The following NXPH1 variants were observed in gnomAD, a reference collection of about 807,000 sequenced individuals.
NXPH1 encodes neurexophilin-1.
Under a neutral mutation model 23.7 loss-of-function variants are expected in NXPH1, and 5 were observed. The observed-to-expected ratio is 0.21, with a 90% CI of 0.11 to 0.44. The LOEUF is 0.44. NXPH1 is among the 20% of genes least tolerant of loss of function. The pLI is 0.99. For missense variants in NXPH1, 324 were observed against 321.6 expected, an observed-to-expected ratio of 1.01 and a Z score of -0.06; for synonymous variants, 144 against 122.2, an observed-to-expected ratio of 1.18 and a Z score of -1.18.
chr7:8,460,197 T>C (rs372847553), intron 2 of NXPH1, among the ~76,000 whole-genome samples: 18 of 152,274 alleles, frequency 1.2e-4, no homozygotes, highest in South Asian at 4.1e-4. Flanking sequence ...TTATATAAAA[T>C]TTGTGCTTGC....
At chr7:8,667,288 G>A (rs1228664750) in intron 2 of NXPH1, among the ~76,000 whole-genome samples, 1 of 151,940 alleles carries the variant, frequency 6.6e-6, no homozygotes, top group Non-Finnish European at 1.5e-5. Flanking sequence ...ATGATTGTGT[G>A]TTATACATTA....
intron 2 of NXPH1, among the ~76,000 whole-genome samples, chr7:8,509,778 G>T (rs535688633): frequency 1.1e-4 from 17 of 152,092 alleles, no homozygotes; most frequent in Non-Finnish European, 1.5e-4. Flanking sequence ...GTTAACACAT[G>T]TTCCAACAAA....
intron 2 of NXPH1, among the ~76,000 whole-genome samples, chr7:8,633,924 G>A (rs1157225720): frequency 6.6e-6 from 1 of 152,064 alleles, no homozygotes; most frequent in East Asian, 1.9e-4. Flanking sequence ...TATATGCTGG[G>A]CCAGTTTCCT....
At chr7:8,483,794 T>C (rs1817113047) in intron 2 of NXPH1, among the ~76,000 whole-genome samples, 1 of 152,168 alleles carries the variant, frequency 6.6e-6, no homozygotes. Context: ...AGACCAGATG[T>C]TCTCCAAGGT....
intron 2 of NXPH1, among the ~76,000 whole-genome samples, chr7:8,635,152 T>C (rs889262939): frequency 6.6e-6 from 1 of 152,160 alleles, no homozygotes; most frequent in Non-Finnish European, 1.5e-5. Context: ...GAATAAGATT[T>C]GCAAGTGGAA....
At chr7:8,526,988 G>A (rs1388052672) in intron 2 of NXPH1, among the ~76,000 whole-genome samples, 1 of 151,992 alleles carries the variant, frequency 6.6e-6, no homozygotes, top group Non-Finnish European at 1.5e-5. Context: ...GGACCACTCT[G>A]ATGATAATAT....
intron 2 of NXPH1, among the ~76,000 whole-genome samples, chr7:8,680,614 T>G (rs569340620): frequency 6.6e-6 from 1 of 152,344 alleles, no homozygotes; most frequent in Non-Finnish European, 1.5e-5. Context: ...AGGAAGATGG[T>G]GCACATTTCA....
rs373650555 is a variant in NXPH1, at chr7:8,701,847, A to G, written c.55-49161A>G. ...TCTAAAAATAATAACAATCAAGTCT[A>G]TTATTCTATATGGTCTGGAATGAAC... On this transcript the variant is annotated intron_variant, in intron 2 of 2. Transcript: ENST00000405863. 9.9e-5 allele frequency among the ~76,000 whole-genome samples: 15 copies of G among 152,188 alleles called. No individual in the cohort carries two copies. In the East Asian group the frequency reaches 2.5e-3, roughly 25 times the overall value.
chr7:8,536,799 T>C (rs564020692), intron 2 of NXPH1, among the ~76,000 whole-genome samples: 229 of 151,938 alleles, frequency 1.5e-3, no homozygotes, highest in African/African-American at 5.3e-3. Context: ...CATATTTAGG[T>C]TGTGTCTTGG....
chr7:8,693,456 T>A (rs972657232), intron 2 of NXPH1, among the ~76,000 whole-genome samples: 1 of 152,210 alleles, frequency 6.6e-6, no homozygotes, highest in Non-Finnish European at 1.5e-5. Flanking sequence ...AGAAAACATT[T>A]AATGAGATGG....
intron 2 of NXPH1, among the ~76,000 whole-genome samples, chr7:8,710,197 G>A (rs192391206): frequency 2.6e-5 from 4 of 152,290 alleles, no homozygotes; most frequent in Admixed American, 6.5e-5. Flanking sequence ...AGAAGAGGAG[G>A]GGTCCTGCAA....
intron 2 of NXPH1, among the ~76,000 whole-genome samples, chr7:8,625,604 G>A (rs1183563403): frequency 6.6e-6 from 1 of 152,114 alleles, no homozygotes; most frequent in Non-Finnish European, 1.5e-5. Context: ...AGAGGATAGT[G>A]TTCCATTAGA....
chr7:8,592,291 A>G (rs1171365981), intron 2 of NXPH1, among the ~76,000 whole-genome samples: 1 of 152,026 alleles, frequency 6.6e-6, no homozygotes, highest in Non-Finnish European at 1.5e-5. Flanking sequence ...CCATCTGTTC[A>G]AATGTCACGC....
chr7:8,736,291 C>G (rs978971470), intron 2 of NXPH1, among the ~76,000 whole-genome samples: 1 of 152,178 alleles, frequency 6.6e-6, no homozygotes. Flanking sequence ...CCTCTAAACA[C>G]TGCTTTAGCT....
At chr7:8,595,335 C>T (rs972268416) in intron 2 of NXPH1, among the ~76,000 whole-genome samples, 9 of 151,748 alleles carry the variant, frequency 5.9e-5, no homozygotes, top group Non-Finnish European at 1.0e-4. Context: ...AATTTTAGTG[C>T]ATTTAAAATA....
At chr7:8,552,539 A>G (rs1274390536) in intron 2 of NXPH1, among the ~76,000 whole-genome samples, 1 of 151,420 alleles carries the variant, frequency 6.6e-6, no homozygotes, top group African/African-American at 2.4e-5. Flanking sequence ...TATGGGTACC[A>G]TTTCCCTGGC....
intron 2 of NXPH1, among the ~76,000 whole-genome samples, chr7:8,674,780 A>G (rs544679014): frequency 5.7e-4 from 87 of 152,234 alleles, no homozygotes; most frequent in African/African-American, 1.9e-3. Flanking sequence ...ACCAAAGAGT[A>G]AATCATGCTC....
chr7:8,558,571 T>C (rs1352951461), intron 2 of NXPH1, among the ~76,000 whole-genome samples: 1 of 151,724 alleles, frequency 6.6e-6, no homozygotes, highest in Non-Finnish European at 1.5e-5. Context: ...GAGCCTTTTC[T>C]TACAAGTAGG....
intron 2 of NXPH1, among the ~76,000 whole-genome samples, chr7:8,724,027 C>T (rs994630051): frequency 5.3e-5 from 8 of 152,186 alleles, no homozygotes; most frequent in African/African-American, 1.9e-4. Flanking sequence ...GTAAGTGTAT[C>T]TGAGCTTTGA....
Sources: gnomAD v4.1 joint callset for allele counts (sites outside exome capture counted in the v4.1 genomes callset) on GRCh38, gnomAD v4.1.1 for gene constraint, MANE v1.5 for transcripts, NCBI Gene and HGNC (gene_info 2026-07-23, HGNC 2026-07-21) for gene names.